KIRREL1: variants seen among roughly 807,000 people sequenced by gnomAD.
The protein encoded by KIRREL1 is kin of IRRE-like protein 1.
KIRREL1 carries 25 observed loss-of-function variants against 83.3 expected under a neutral mutation model. The ratio of observed to expected loss-of-function variants is 0.30; its 90% CI spans 0.22 to 0.42. The LOEUF is 0.42. KIRREL1 is among the 10% of genes least tolerant of loss of function. The pLI, the probability that KIRREL1 is intolerant of heterozygous loss-of-function variation, is 1.00. For missense variants in KIRREL1, 812 were observed against 1,032.3 expected, an observed-to-expected ratio of 0.79 and a Z score of 2.92; for synonymous variants, 388 against 410.4, an observed-to-expected ratio of 0.95 and a Z score of 0.66.
intron 1 of KIRREL1, among the ~76,000 whole-genome samples, chr1:158,039,109 A>T (rs1241105844): frequency 6.6e-6 from 1 of 152,174 alleles, no homozygotes; most frequent in Non-Finnish European, 1.5e-5. Flanking sequence ...GGTGACCGCC[A>T]TTATCCTTTC....
chr1:158,087,478 A>G (rs1043522166), intron 5 of KIRREL1, among the ~76,000 whole-genome samples: 6 of 152,070 alleles, frequency 3.9e-5, no homozygotes, highest in Non-Finnish European at 5.9e-5. Context: ...TAGTGAGCCA[A>G]GCAAGCTCAC....
chr1:158,043,497 G>A (rs1009655929), intron 1 of KIRREL1, among the ~76,000 whole-genome samples: 11 of 152,220 alleles, frequency 7.2e-5, no homozygotes, highest in African/African-American at 2.7e-4. Flanking sequence ...TCCCTTTCAG[G>A]GGATAAAGGC....
rs1662444393 is a variant in KIRREL1, at chr1:158,099,729, C to G, written c.*4609C>G. The G allele has an allele frequency of 6.6e-6, 1 of 152,150 alleles. No individual in the cohort carries two copies. The highest frequency in any genetic ancestry group is 2.1e-4 in the South Asian group (1 of 4,830). 9.4% of individuals were successfully genotyped at this position (152,150 alleles called of 1,614,324 possible). On this transcript the variant is annotated 3_prime_UTR_variant, in exon 15 of 15. Transcript: ENST00000359209. ...CCCTACCCTGGTTTTTTGCTGGCCCCAACCACTGGCCTTGTTGAGTATCGA... is the reference window on the plus strand; with the variant it reads ...CCCTACCCTGGTTTTTTGCTGGCCCGAACCACTGGCCTTGTTGAGTATCGA...
chr1:158,042,795 T>C (rs11264881), intron 1 of KIRREL1, among the ~76,000 whole-genome samples: 150,989 of 151,942 alleles, frequency 0.99, 75,026 homozygotes, highest in Middle Eastern at 1. Context: ...CTTTGCCGGC[T>C]GGGCACGGTG....
intron 1 of KIRREL1, among the ~76,000 whole-genome samples, chr1:158,049,696 G>A (rs754641258): frequency 3.7e-4 from 56 of 152,284 alleles, no homozygotes; most frequent in South Asian, 8.3e-4. Flanking sequence ...AGTAGTCCAG[G>A]GGAGTGAGGA....
chr1:158,008,032 C>G (rs138571757), intron 1 of KIRREL1, among the ~76,000 whole-genome samples: 4,043 of 152,260 alleles, frequency 0.027, 75 homozygotes, highest in Middle Eastern at 0.071. Flanking sequence ...GGAGGCCCCC[C>G]TCTCGCCCTC....
chr1:158,001,765 G>T (rs1346811408), intron 1 of KIRREL1, among the ~76,000 whole-genome samples: 1 of 152,172 alleles, frequency 6.6e-6, no homozygotes, highest in African/African-American at 2.4e-5. Flanking sequence ...ATTTGGGTTG[G>T]TTTGGGAGAA....
intron 1 of KIRREL1, among the ~76,000 whole-genome samples, chr1:158,014,674 T>G: frequency 3.9e-5 from 2 of 51,432 alleles, no homozygotes; most frequent in African/African-American, 8.3e-5. Flanking sequence ...AGAAATATAG[T>G]CTTTATGGGG....
At chr1:158,073,956 A>G (rs1661596228) in intron 1 of KIRREL1, among the ~76,000 whole-genome samples, 3 of 152,134 alleles carry the variant, frequency 2.0e-5, no homozygotes, top group African/African-American at 7.2e-5. Flanking sequence ...CAGCAAGCCC[A>G]CTCTTAAGCC....
chr1:158,078,839 G>A (rs1661762864), intron 3 of KIRREL1, among the ~76,000 whole-genome samples: 1 of 152,162 alleles, frequency 6.6e-6, no homozygotes, highest in African/African-American at 2.4e-5. Context: ...CACCCACTGG[G>A]GGACCGAGCA....
In KIRREL1 at chr1:158,048,812, G is replaced by A. The variant is rs535214532; in HGVS notation, c.53-27301G>A. ...TGCCCTCCAGCTGAGGGGAAATTGCGAGAGTAGGAAATAGGATGACATTGA... is the reference window on the plus strand; with the variant it reads ...TGCCCTCCAGCTGAGGGGAAATTGCAAGAGTAGGAAATAGGATGACATTGA... On this transcript the variant is annotated intron_variant, in intron 1 of 14. Transcript: ENST00000359209. Among the ~76,000 whole-genome samples, 6 of 152,306 alleles carry A rather than the reference G, an allele frequency of 3.9e-5. No individual in the cohort carries two copies. The South Asian group carries it at 6.2e-4, about 16-fold the overall frequency.
At chr1:158,063,438 TG>T (rs1661269302) in intron 1 of KIRREL1, among the ~76,000 whole-genome samples, 1 of 152,214 alleles carries the variant, frequency 6.6e-6, no homozygotes, top group Non-Finnish European at 1.5e-5. Flanking sequence ...CCCACATCAT[TG>T]CCCCCCATCA....
intron 3 of KIRREL1, among the ~76,000 whole-genome samples, chr1:158,078,444 G>T (rs1195394796): frequency 6.6e-6 from 1 of 152,182 alleles, no homozygotes; most frequent in Non-Finnish European, 1.5e-5. Context: ...AAGAAGCAGG[G>T]ACGTATGGAG....
intron 1 of KIRREL1, among the ~76,000 whole-genome samples, chr1:157,998,187 A>G (rs1659258595): frequency 6.6e-6 from 1 of 152,140 alleles, no homozygotes; most frequent in South Asian, 2.1e-4. Context: ...TGAGGTTTAG[A>G]TACATTAAGT....
chr1:158,056,380 C>T (rs938633684), intron 1 of KIRREL1, among the ~76,000 whole-genome samples: 1 of 152,210 alleles, frequency 6.6e-6, no homozygotes, highest in African/African-American at 2.4e-5. Context: ...TCTGCAATTC[C>T]TCCTCACAGG....
At chr1:158,043,636 G>T (rs1414134940) in intron 1 of KIRREL1, among the ~76,000 whole-genome samples, 1 of 152,180 alleles carries the variant, frequency 6.6e-6, no homozygotes, top group African/African-American at 2.4e-5. Flanking sequence ...CTTCCCCTAG[G>T]CTGGGTACCC....
chr1:158,003,632 C>T (rs1469101248), intron 1 of KIRREL1, among the ~76,000 whole-genome samples: 3 of 152,168 alleles, frequency 2.0e-5, no homozygotes, highest in Non-Finnish European at 4.4e-5. Flanking sequence ...AGCATTCACC[C>T]CCGGGGCAGC....
chr1:158,074,457 G>A (rs1392856114), intron 1 of KIRREL1, among the ~76,000 whole-genome samples: 1 of 152,188 alleles, frequency 6.6e-6, no homozygotes, highest in Admixed American at 6.5e-5. Flanking sequence ...GAGAGAGCTT[G>A]GCCCTCTGCC....
At chr1:158,087,899 T>C (rs755318871) in intron 6 of KIRREL1, 39 bp downstream of exon 6, 1 of 1,608,324 alleles carries the variant, frequency 6.2e-7, no homozygotes. Context: ...TGGGGAGTGA[T>C]AAGGAAGAGT....
Sources: gnomAD v4.1 joint callset for allele counts (sites outside exome capture counted in the v4.1 genomes callset) on GRCh38, gnomAD v4.1.1 for gene constraint, MANE v1.5 for transcripts, NCBI Gene and HGNC (gene_info 2026-07-23, HGNC 2026-07-21) for gene names.